The following OSBPL1A variants were observed in gnomAD, a reference collection of about 807,000 sequenced individuals.
The protein encoded by OSBPL1A is oxysterol binding protein like 1A, also known as oxysterol-binding protein-related protein 1.
In OSBPL1A, 80 loss-of-function variants were observed where a neutral mutation model predicts 137.1. That is an observed-to-expected ratio of 0.58 (90% confidence interval 0.49 to 0.70). The LOEUF (loss-of-function observed/expected upper bound fraction) is 0.70. OSBPL1A is among the 30% of genes least tolerant of loss of function. The probability of loss-of-function intolerance (pLI) is 0.00; values close to 1 mark genes in which losing one functional copy is unlikely to be tolerated. For missense variants in OSBPL1A, 970 were observed against 1,129.4 expected, an observed-to-expected ratio of 0.86 and a Z score of 2.02; for synonymous variants, 365 against 389.7, an observed-to-expected ratio of 0.94 and a Z score of 0.75.
chr18:24,294,051 T>C (rs1202292477), intron 14 of OSBPL1A, among the ~76,000 whole-genome samples: 1 of 151,642 alleles, frequency 6.6e-6, no homozygotes, highest in Non-Finnish European at 1.5e-5. Context: ...CCTCTCAGAT[T>C]TTTTTTTTCA....
At chr18:24,283,313 TACACACACACACAGAC>T (rs1456900137) in intron 14 of OSBPL1A, among the ~76,000 whole-genome samples, 2 of 130,388 alleles carry the variant, frequency 1.5e-5, no homozygotes, top group Non-Finnish European at 3.2e-5. Context: ...TGTATATATA[TACACACACACACAGAC>T]ACACACACAC....
At chr18:24,273,098 G>T (rs1012629300) in intron 15 of OSBPL1A, among the ~76,000 whole-genome samples, 1 of 152,038 alleles carries the variant, frequency 6.6e-6, no homozygotes, top group Admixed American at 6.5e-5. Context: ...GTAGAGACGG[G>T]GGTTTTGCTA....
At chr18:24,178,910 A>C (rs1295444424) in intron 20 of OSBPL1A, 1 of 152,238 alleles carries the variant, frequency 6.6e-6, no homozygotes, top group Non-Finnish European at 1.5e-5. Flanking sequence ...ATCATATATA[A>C]ACAAGACACA....
intron 1 of OSBPL1A, among the ~76,000 whole-genome samples, chr18:24,388,800 CAAAA>C (rs57143270): frequency 3.6e-5 from 3 of 82,830 alleles, no homozygotes; most frequent in Non-Finnish European, 4.8e-5. Context: ...GACTCTGTCT[CAAAA>C]AAAAAAAAAA....
Position 24,264,452 on chromosome 18 carries a change from C to T in OSBPL1A, c.1281+16390G>A, listed in dbSNP as rs374807139. Among the ~76,000 whole-genome samples the T allele has an allele frequency of 4.1e-4, 62 of 152,210 alleles. 1 individual carries two copies. The South Asian group carries it at 0.012, about 31-fold the overall frequency. Reference sequence around the variant, plus strand: ...CGCCAACTTATAATTCAGTGAGGGCCATTTTTCTGAAAAATCAAGAAAACA... The same window carrying T: ...CGCCAACTTATAATTCAGTGAGGGCTATTTTTCTGAAAAATCAAGAAAACA... On this transcript the variant is annotated intron_variant, in intron 15 of 27. Coordinates refer to ENST00000319481, the MANE Select transcript of OSBPL1A (RefSeq NM_080597.4).
intron 14 of OSBPL1A, among the ~76,000 whole-genome samples, chr18:24,281,929 A>T (rs924685834): frequency 6.6e-6 from 1 of 152,166 alleles, no homozygotes; most frequent in African/African-American, 2.4e-5. Flanking sequence ...GTGTCAGATC[A>T]GTGGCAGCAT....
At chr18:24,214,456 A>C (rs955070577) in intron 17 of OSBPL1A, among the ~76,000 whole-genome samples, 1 of 152,122 alleles carries the variant, frequency 6.6e-6, no homozygotes, top group African/African-American at 2.4e-5. Flanking sequence ...TATTACTGGT[A>C]ATTTTGTTGG....
At chr18:24,274,726 A>G (rs929831035) in intron 15 of OSBPL1A, among the ~76,000 whole-genome samples, 9 of 152,024 alleles carry the variant, frequency 5.9e-5, no homozygotes, top group Non-Finnish European at 1.3e-4. Context: ...TGGTTAACAC[A>G]GTGAAACCCC....
In OSBPL1A at chr18:24,395,453, T is replaced by C. The variant is rs146681581; in HGVS notation, c.-3+2202A>G. Among the ~76,000 whole-genome samples, 310 of 151,798 alleles carry C rather than the reference T, an allele frequency of 2.0e-3. 2 individuals are homozygous for C. The highest frequency in any genetic ancestry group is 6.8e-3 in the African/African-American group (283 of 41,516). On this transcript the variant is annotated intron_variant, in intron 1 of 27. Coordinates refer to ENST00000319481, the MANE Select transcript of OSBPL1A (RefSeq NM_080597.4). ...TTATGATCAGATATACAGATGTATC[T>C]CTGAGTAAAATAAAGCCACAAGGAG... is the stretch of plus-strand genomic sequence containing the variant.
rs116968478 is a variant in OSBPL1A, at chr18:24,219,960, C to T, written c.1601+5082G>A. Among the ~76,000 whole-genome samples, 1,079 of 152,292 alleles carry T rather than the reference C, an allele frequency of 7.1e-3. 10 individuals carry two copies. Among genetic ancestry groups the T allele is most frequent in the African/African-American group, 0.023 (940 of 41,558 alleles). On this transcript the variant is annotated intron_variant, in intron 17 of 27. Transcript: ENST00000319481. The stretch of plus-strand genomic sequence containing the variant: ...GAGGTTTTCAAATTGGAGCCCTATT[C>T]GCTGGATAACCACTCTAGTCTCCTC...
chr18:24,346,265 A>G (rs2091343896), intron 4 of OSBPL1A, among the ~76,000 whole-genome samples: 1 of 152,204 alleles, frequency 6.6e-6, no homozygotes, highest in Non-Finnish European at 1.5e-5. Context: ...TGAAATGCTT[A>G]GAGAAAAATC....
intron 14 of OSBPL1A, among the ~76,000 whole-genome samples, chr18:24,289,569 G>A (rs905991154): frequency 8.6e-5 from 13 of 151,952 alleles, no homozygotes; most frequent in East Asian, 1.9e-4. Flanking sequence ...ACAGGCACAC[G>A]CCACAACATT....
chr18:24,383,663 A>C (rs1395846550), intron 1 of OSBPL1A, among the ~76,000 whole-genome samples: 1 of 152,260 alleles, frequency 6.6e-6, no homozygotes, highest in South Asian at 2.1e-4. Flanking sequence ...CTGAGGCAAG[A>C]GAATTGCTTG....
chr18:24,283,327 G>GACAC (rs149819782), intron 14 of OSBPL1A, among the ~76,000 whole-genome samples: 10 of 99,996 alleles, frequency 1.0e-4, no homozygotes, highest in Admixed American at 2.1e-4. Context: ...CACACACACA[G>GACAC]ACACACACAC....
intron 21 of OSBPL1A, among the ~76,000 whole-genome samples, chr18:24,174,718 T>C (rs910212125): frequency 7.2e-5 from 11 of 152,316 alleles, no homozygotes; most frequent in Admixed American, 7.2e-4. Flanking sequence ...TAGCTCATTG[T>C]GGTTTTAACT....
chr18:24,214,923 A>G (rs1472738691), intron 17 of OSBPL1A, among the ~76,000 whole-genome samples: 1 of 152,346 alleles, frequency 6.6e-6, no homozygotes, highest in African/African-American at 2.4e-5. Flanking sequence ...CAGAATAAAT[A>G]TAACAATTTG....
chr18:24,247,412 G>A (rs921490253), intron 15 of OSBPL1A, among the ~76,000 whole-genome samples: 2 of 152,214 alleles, frequency 1.3e-5, no homozygotes, highest in African/African-American at 2.4e-5. Context: ...TATGGGTCAA[G>A]AGAGATAAGA....
chr18:24,310,025 C>A (rs1405842037), intron 13 of OSBPL1A, among the ~76,000 whole-genome samples: 2 of 119,802 alleles, frequency 1.7e-5, no homozygotes, highest in African/African-American at 6.5e-5. Flanking sequence ...CCAGCCCGTG[C>A]AACAGAGCAA....
chr18:24,210,286 G>A (rs1209628485), intron 17 of OSBPL1A, among the ~76,000 whole-genome samples: 4 of 151,918 alleles, frequency 2.6e-5, no homozygotes, highest in African/African-American at 7.3e-5. Flanking sequence ...TTAGCCAGGC[G>A]TGGTGGTGGG....
Sources: gnomAD v4.1 joint callset for allele counts (sites outside exome capture counted in the v4.1 genomes callset) on GRCh38, gnomAD v4.1.1 for gene constraint, MANE v1.5 for transcripts, NCBI Gene and HGNC (gene_info 2026-07-23, HGNC 2026-07-21) for gene names.